Variants in ARHGEF3 observed in about 807,000 individuals in gnomAD.
ARHGEF3 encodes the protein 59.8 kDA protein.
Under a neutral mutation model 63.2 loss-of-function variants are expected in ARHGEF3, and 28 were observed. The ratio of observed to expected loss-of-function variants is 0.44; its 90% CI spans 0.33 to 0.61. ARHGEF3 has a LOEUF of 0.61. ARHGEF3 is among the 20% of genes least tolerant of loss of function. The pLI, the probability that ARHGEF3 is intolerant of heterozygous loss-of-function variation, is 0.03. For synonymous variants in ARHGEF3, 266 were observed against 254.2 expected (o/e 1.05, Z -0.44); for missense variants, 533 against 659.3 (o/e 0.81, Z 2.10).
chr3:56,972,771 G>A (rs1490606536), intron 2 of ARHGEF3, among the ~76,000 whole-genome samples: 1 of 152,062 alleles, frequency 6.6e-6, no homozygotes, highest in Admixed American at 6.5e-5. Context: ...ATTACTGCAA[G>A]GTCTCTGGAT....
At chr3:56,949,770 G>C (rs1411799794) in intron 3 of ARHGEF3, among the ~76,000 whole-genome samples, 3 of 151,930 alleles carry the variant, frequency 2.0e-5, no homozygotes, top group African/African-American at 7.3e-5. Flanking sequence ...CACAGAATTG[G>C]AAAAAACTAC....
intron 2 of ARHGEF3, among the ~76,000 whole-genome samples, chr3:56,995,409 A>G (rs1334453827): frequency 6.6e-6 from 1 of 152,186 alleles, no homozygotes; most frequent in African/African-American, 2.4e-5. Flanking sequence ...AAAATCTTCC[A>G]GACAGAATTC....
chr3:57,063,135 T>C (rs1705323936), intron 1 of ARHGEF3, among the ~76,000 whole-genome samples: 1 of 152,176 alleles, frequency 6.6e-6, no homozygotes, highest in African/African-American at 2.4e-5. Context: ...AGGTGCATTT[T>C]GGGCAGCGGG....
At chr3:57,070,844 C>T (rs1705847673) in intron 1 of ARHGEF3, among the ~76,000 whole-genome samples, 1 of 151,710 alleles carries the variant, frequency 6.6e-6, no homozygotes, top group African/African-American at 2.4e-5. Flanking sequence ...TGGTTGCACA[C>T]ATCTGTAGTC....
chr3:56,970,432 G>T (rs1227407964), intron 2 of ARHGEF3, among the ~76,000 whole-genome samples: 1 of 152,196 alleles, frequency 6.6e-6, no homozygotes, highest in East Asian at 1.9e-4. Context: ...TTTGATGGAA[G>T]CGGCTTAGTG....
intron 3 of ARHGEF3, among the ~76,000 whole-genome samples, chr3:56,920,098 A>G (rs1037432719): frequency 6.6e-6 from 1 of 152,196 alleles, no homozygotes; most frequent in Admixed American, 6.5e-5. Flanking sequence ...TAAATTCTAC[A>G]TAGATTGGAG....
intron 2 of ARHGEF3, among the ~76,000 whole-genome samples, chr3:57,002,162 C>T (rs769604787): frequency 2.5e-4 from 38 of 151,424 alleles, no homozygotes; most frequent in African/African-American, 7.5e-4. Context: ...CTGCCTGCCT[C>T]GGCCTCCCAA....
At chr3:56,967,608 T>C (rs1462106201) in intron 2 of ARHGEF3, among the ~76,000 whole-genome samples, 2 of 90,262 alleles carry the variant, frequency 2.2e-5, no homozygotes, top group East Asian at 6.7e-4. Context: ...ATATTATATA[T>C]GTTACATAAT....
chr3:57,033,562 G>T (rs1214159433), intron 2 of ARHGEF3, among the ~76,000 whole-genome samples: 1 of 151,414 alleles, frequency 6.6e-6, no homozygotes, highest in Non-Finnish European at 1.5e-5. Context: ...AGGAAGAAAG[G>T]AAAGAGTGAC....
At chr3:56,843,664 C>T (rs1280310580) in intron 4 of ARHGEF3, among the ~76,000 whole-genome samples, 1 of 152,082 alleles carries the variant, frequency 6.6e-6, no homozygotes, top group Non-Finnish European at 1.5e-5. Flanking sequence ...CTTAATGCTG[C>T]GTTATATTCC....
intron 3 of ARHGEF3, among the ~76,000 whole-genome samples, chr3:56,942,346 A>G (rs1244464809): frequency 6.6e-6 from 1 of 152,196 alleles, no homozygotes. Context: ...TCAATAGTTC[A>G]AACTTTTTCA....
At chr3:56,883,054 T>C (rs1476402866) in intron 3 of ARHGEF3, among the ~76,000 whole-genome samples, 2 of 152,202 alleles carry the variant, frequency 1.3e-5, no homozygotes, top group African/African-American at 2.4e-5. Context: ...CTTGAAGATA[T>C]TCCATTTTTA....
intron 2 of ARHGEF3, among the ~76,000 whole-genome samples, chr3:56,968,576 G>T (rs1700769667): frequency 6.7e-6 from 1 of 148,480 alleles, no homozygotes; most frequent in Admixed American, 6.9e-5. Context: ...CAATCCTCCT[G>T]CCTCAGCCTC....
chr3:56,968,296 A>ATATT (rs1375293429), intron 2 of ARHGEF3, among the ~76,000 whole-genome samples: 6 of 43,212 alleles, frequency 1.4e-4, no homozygotes, highest in Admixed American at 4.5e-4. Flanking sequence ...TAATATATAT[A>ATATT]ATATATAATA....
At chr3:56,853,112 A>C (rs2039734227) in intron 4 of ARHGEF3, among the ~76,000 whole-genome samples, 2 of 152,130 alleles carry the variant, frequency 1.3e-5, no homozygotes, top group Non-Finnish European at 2.9e-5. Context: ...TGTGTTTCTT[A>C]TTTCTTTCAA....
At chr3:56,978,772 C>T (rs1701217207) in intron 2 of ARHGEF3, among the ~76,000 whole-genome samples, 1 of 152,124 alleles carries the variant, frequency 6.6e-6, no homozygotes, top group South Asian at 2.1e-4. Context: ...CAAACATGGG[C>T]CTAGCAATAA....
chr3:56,909,122 G>A (rs1330347946), intron 3 of ARHGEF3, among the ~76,000 whole-genome samples: 1 of 152,246 alleles, frequency 6.6e-6, no homozygotes, highest in Non-Finnish European at 1.5e-5. Flanking sequence ...GAAAGAAGGA[G>A]AAGGGAGAAT....
rs996844734 is a variant in ARHGEF3 at position 56,873,472 on chromosome 3, G to A, written c.192+8820C>T. On this transcript the variant is annotated intron_variant, in intron 4 of 12. Transcript: ENST00000338458. The stretch of plus-strand genomic sequence containing the variant: ...TCATCATTTAGCTCCCACTTATAAG[G>A]GAGAACATATGTATTTGGTTGTCTG... 4.6e-5 allele frequency among the ~76,000 whole-genome samples: 7 copies of A among 151,906 alleles called. No individual in the cohort carries two copies. In the East Asian group the frequency reaches 1.4e-3, roughly 29 times the overall value.
intron 4 of ARHGEF3, among the ~76,000 whole-genome samples, chr3:56,867,474 TATTTA>T (rs1252205812): frequency 8.6e-5 from 13 of 151,950 alleles, no homozygotes; most frequent in African/African-American, 2.9e-4. Flanking sequence ...TTTATTTATT[TATTTA>T]TTTATTTTTT....
Sources: allele counts gnomAD v4.1 joint callset (sites outside exome capture counted in the v4.1 genomes callset), GRCh38; gene constraint gnomAD v4.1.1; transcripts MANE v1.5; gene names NCBI Gene and HGNC (gene_info 2026-07-23, HGNC 2026-07-21).